Variants in CTDP1 observed in about 807,000 individuals in gnomAD.
CTDP1 encodes CTD phosphatase 1.
CTDP1 carries 47 observed loss-of-function variants against 91.8 expected under a neutral mutation model. That is an observed-to-expected ratio of 0.51 (90% confidence interval 0.41 to 0.65). The LOEUF (loss-of-function observed/expected upper bound fraction) is 0.65, where lower values mean the gene tolerates loss of function less well. CTDP1 is among the 30% of genes least tolerant of loss of function. The pLI is 0.00. For synonymous variants in CTDP1, 656 were observed against 598.5 expected (o/e 1.10, Z -1.40); for missense variants, 1,272 against 1,373.7 (o/e 0.93, Z 1.17).
At chr18:79,693,335 T>G (rs595578) in intron 1 of CTDP1, among the ~76,000 whole-genome samples, 20,113 of 152,140 alleles carry the variant, frequency 0.13, 1,615 homozygotes, top group Middle Eastern at 0.28. Flanking sequence ...AGAACTCTAA[T>G]CATTCATTGT....
Position 79,713,850 on chromosome 18 carries a change from C to T in CTDP1, c.1031-641C>T, listed in dbSNP as rs2086132123. Among the ~76,000 whole-genome samples the T allele has an allele frequency of 6.6e-6, 1 of 151,818 alleles. No homozygotes were observed. The highest frequency in any genetic ancestry group is 2.4e-5 in the African/African-American group (1 of 41,286). ...CATGGTGGTGCCAGGTCATCCGGGG[C>T]TTACAGTCACGGTGGCGCCAGGTCT... is the stretch of plus-strand genomic sequence containing the variant. On this transcript the variant is annotated intron_variant, in intron 7 of 12. Coordinates refer to ENST00000613122, the MANE Select transcript of CTDP1 (RefSeq NM_004715.5). This position sits in a 1 kb window ranked among gnomAD's most constrained non-coding sequence, Gnocchi z 4.7.
chr18:79,691,271 G>A (rs1224011673), intron 1 of CTDP1, among the ~76,000 whole-genome samples: 1 of 152,216 alleles, frequency 6.6e-6, no homozygotes, highest in East Asian at 1.9e-4. Flanking sequence ...CAGACCTCAG[G>A]CTGCGCTGGT....
At chr18:79,695,528 G>A (rs749824726) in intron 2 of CTDP1, among the ~76,000 whole-genome samples, 3 of 152,184 alleles carry the variant, frequency 2.0e-5, no homozygotes, top group Non-Finnish European at 4.4e-5. Flanking sequence ...CTCAGGTGTG[G>A]TGGGGGGGCA....
At chr18:79,678,770 G>C (rs143641975), upstream of CTDP1, 1 of 152,796 alleles carries the variant, frequency 6.5e-6, no homozygotes, top group Non-Finnish European at 1.5e-5. Flanking sequence ...AATTAAAACA[G>C]TCCAGAGCGG....
chr18:79,685,435 A>C (rs1475934851), intron 1 of CTDP1: 3 of 152,200 alleles, frequency 2.0e-5, no homozygotes, highest in Non-Finnish European at 4.4e-5. Flanking sequence ...GTGAGAACTA[A>C]CAGGCGGAGG....
chr18:79,721,429 T>C (rs492597), intron 10 of CTDP1, among the ~76,000 whole-genome samples: 2 of 151,710 alleles, frequency 1.3e-5, no homozygotes, highest in African/African-American at 2.4e-5. Context: ...GAAGTCAGGG[T>C]CTGTTCTGTA....
chr18:79,721,148 G>A (rs1487304819), intron 10 of CTDP1, among the ~76,000 whole-genome samples: 5 of 152,116 alleles, frequency 3.3e-5, no homozygotes, highest in East Asian at 1.9e-4. Flanking sequence ...CCCTGGAGCC[G>A]CTCAGGCCCA....
chr18:79,751,734 TTGTGTG>T (rs945681851), intron 12 of CTDP1, among the ~76,000 whole-genome samples: 1 of 151,912 alleles, frequency 6.6e-6, no homozygotes, highest in Non-Finnish European at 1.5e-5. Flanking sequence ...GTGCTATAGT[TTGTGTG>T]TGAGCCTCGA....
intron 11 of CTDP1, among the ~76,000 whole-genome samples, chr18:79,734,524 C>T (rs772119329): frequency 1.4e-4 from 22 of 152,242 alleles, no homozygotes; most frequent in Non-Finnish European, 2.5e-4. Flanking sequence ...GGGCACGTGC[C>T]GGGCTGCCCT....
At position 79,689,767 on chromosome 18, in the gene CTDP1, C is replaced by T. The variant is rs138422007; in HGVS notation, c.315-5458C>T. Among the ~76,000 whole-genome samples the T allele has an allele frequency of 4.1e-3, 622 of 152,272 alleles. 8 individuals carry two copies. Among genetic ancestry groups the T allele is most frequent in the Non-Finnish European group, 5.4e-3 (365 of 68,026 alleles). On this transcript the variant is annotated intron_variant, in intron 1 of 12. Transcript: ENST00000613122. The stretch of plus-strand genomic sequence containing the variant: ...CTGCACTGCAAACTAGGTGACGGAG[C>T]GAGACTCCGTCACAAATAAGTAACA...
chr18:79,703,361 A>C (rs1334555601), intron 4 of CTDP1, among the ~76,000 whole-genome samples: 1 of 152,220 alleles, frequency 6.6e-6, no homozygotes, highest in Non-Finnish European at 1.5e-5. Flanking sequence ...TAAATATTTT[A>C]CTGAGAAAAT....
At chr18:79,697,831 T>C (rs1185306039) in intron 3 of CTDP1, 29 bp from the exon 4 acceptor site, 3 of 1,614,112 alleles carry the variant, frequency 1.9e-6, no homozygotes, top group South Asian at 1.1e-5. Context: ...ATACTGACTT[T>C]GTCATTTCTT....
intron 1 of CTDP1, among the ~76,000 whole-genome samples, chr18:79,688,954 C>CTTT (rs2085565184): frequency 6.6e-6 from 1 of 152,254 alleles, no homozygotes; most frequent in Non-Finnish European, 1.5e-5. Flanking sequence ...GCTGAGTTTG[C>CTTT]TTATCTTTCC....
chr18:79,744,787 G>A (rs948760524), intron 12 of CTDP1, among the ~76,000 whole-genome samples: 6 of 152,296 alleles, frequency 3.9e-5, no homozygotes, highest in Middle Eastern at 3.4e-3. Flanking sequence ...AGGTTCCCCC[G>A]CCACTCAGTC....
chr18:79,713,804 C>T lies in CTDP1; in HGVS notation c.1030+666C>T, dbSNP rs1425768779. Among the ~76,000 whole-genome samples the T allele has an allele frequency of 1.3e-5, 2 of 151,862 alleles. No homozygotes were observed. The highest frequency in any genetic ancestry group is 6.6e-5 in the Admixed American group (1 of 15,240). ...GTGGAGTTGCTGACTTCCTCCAGAC[C>T]GTGGCTTGGGAAACCGTGGCCATGG... On this transcript the variant is annotated intron_variant, in intron 7 of 12. Transcript: ENST00000613122. This position sits in a 1 kb window ranked among gnomAD's most constrained non-coding sequence, Gnocchi z 4.7.
chr18:79,704,129 G>T (rs774121139), intron 4 of CTDP1, among the ~76,000 whole-genome samples: 1 of 152,200 alleles, frequency 6.6e-6, no homozygotes, highest in African/African-American at 2.4e-5. Context: ...GGGCATTCCC[G>T]CAGCAGAGAA....
At chr18:79,719,664 C>T (rs1401102519) in intron 10 of CTDP1, among the ~76,000 whole-genome samples, 1 of 149,770 alleles carries the variant, frequency 6.7e-6, no homozygotes, top group Non-Finnish European at 1.5e-5. Flanking sequence ...ATGTCACCTC[C>T]CATCATTAGG....
chr18:79,729,908 A>G (rs1392546405), intron 11 of CTDP1, among the ~76,000 whole-genome samples: 3 of 152,214 alleles, frequency 2.0e-5, no homozygotes, highest in East Asian at 3.8e-4. Flanking sequence ...TGTTCCCACC[A>G]GAGCCTATCC....
chr18:79,718,904 C>T (rs981147737), intron 10 of CTDP1, among the ~76,000 whole-genome samples: 4 of 152,100 alleles, frequency 2.6e-5, no homozygotes, highest in African/African-American at 4.8e-5. Context: ...GACGGGTGCT[C>T]ACGGTTAATG....
Sources: allele counts gnomAD v4.1 joint callset (sites outside exome capture counted in the v4.1 genomes callset), GRCh38; gene constraint gnomAD v4.1.1; non-coding constraint Gnocchi (gnomAD v3.1); transcripts MANE v1.5; gene names NCBI Gene and HGNC (gene_info 2026-07-23, HGNC 2026-07-21).